The following IKZF2 variants were observed in gnomAD, a reference collection of about 807,000 sequenced individuals.
The protein encoded by IKZF2 is IKAROS family zinc finger 2, also known as zinc finger protein Helios.
In IKZF2, 15 loss-of-function variants were observed where a neutral mutation model predicts 49.2. The ratio of observed to expected loss-of-function variants is 0.30; its 90% CI spans 0.20 to 0.47. The LOEUF (loss-of-function observed/expected upper bound fraction) is 0.47, where lower values mean the gene tolerates loss of function less well. Among genes scored for constraint, IKZF2 ranks in the 20% least tolerant of loss-of-function variants. The pLI is 1.00. For synonymous variants in IKZF2, 227 were observed against 221.4 expected (o/e 1.03, Z -0.23); for missense variants, 567 against 664.6 (o/e 0.85, Z 1.61).
intron 7 of IKZF2, among the ~76,000 whole-genome samples, chr2:213,019,405 A>G (rs558342278): frequency 6.6e-6 from 1 of 152,310 alleles, no homozygotes; most frequent in South Asian, 2.1e-4. Flanking sequence ...AGCTATTTAT[A>G]TGAGACGTAT....
intron 4 of IKZF2, among the ~76,000 whole-genome samples, chr2:213,088,804 C>T (rs1224100952): frequency 6.6e-6 from 1 of 152,078 alleles, no homozygotes; most frequent in Admixed American, 6.6e-5. Context: ...TTAATAACAA[C>T]AATAATGGAA....
At chr2:213,117,812 C>T (rs2059926629) in intron 4 of IKZF2, among the ~76,000 whole-genome samples, 1 of 152,200 alleles carries the variant, frequency 6.6e-6, no homozygotes, top group African/African-American at 2.4e-5. Flanking sequence ...AACCCTACTA[C>T]AATTGCCACA....
chr2:213,072,296 G>GTTTTTTT (rs377550534), intron 4 of IKZF2, among the ~76,000 whole-genome samples: 1 of 144,550 alleles, frequency 6.9e-6, no homozygotes. Flanking sequence ...CCTTTCCTTT[G>GTTTTTTT]TTTTTTTTTT....
chr2:213,052,988 T>G (rs1176047590), intron 5 of IKZF2, among the ~76,000 whole-genome samples: 1 of 152,116 alleles, frequency 6.6e-6, no homozygotes, highest in African/African-American at 2.4e-5. Flanking sequence ...TGTAAATAAT[T>G]TGTTCTTTAA....
intron 4 of IKZF2, among the ~76,000 whole-genome samples, chr2:213,099,085 C>T (rs955584440): frequency 2.0e-5 from 3 of 152,046 alleles, no homozygotes; most frequent in African/African-American, 7.2e-5. Flanking sequence ...TAAATATTAG[C>T]TAGTTGATTT....
intron 4 of IKZF2, among the ~76,000 whole-genome samples, chr2:213,141,257 T>C (rs902257092): frequency 2.6e-5 from 4 of 151,986 alleles, no homozygotes; most frequent in Admixed American, 6.6e-5. Context: ...CACTCAATCA[T>C]TGAAACAGCC....
intron 5 of IKZF2, 129 bp downstream of exon 5, chr2:213,056,704 C>T: frequency 9.1e-7 from 1 of 1,095,524 alleles, no homozygotes; most frequent in South Asian, 1.3e-5. Flanking sequence ...CAATCCAATA[C>T]TAGCAGAATT....
At chr2:213,140,197 T>C (rs975716571) in intron 4 of IKZF2, among the ~76,000 whole-genome samples, 10 of 151,934 alleles carry the variant, frequency 6.6e-5, no homozygotes, top group African/African-American at 2.4e-4. Flanking sequence ...TTCTATGGTG[T>C]CTTGGGTAGT....
chr2:213,091,228 G>T (rs754228491), intron 4 of IKZF2, among the ~76,000 whole-genome samples: 7 of 152,076 alleles, frequency 4.6e-5, no homozygotes, highest in Non-Finnish European at 8.8e-5. Flanking sequence ...TCCAATATGG[G>T]TTCACTAAAA....
intron 4 of IKZF2, among the ~76,000 whole-genome samples, chr2:213,087,585 G>C (rs1443335175): frequency 6.6e-6 from 1 of 152,050 alleles, no homozygotes; most frequent in East Asian, 1.9e-4. Flanking sequence ...ATGTTGGTGT[G>C]CTGCACCCGT....
rs898691619 is a variant in IKZF2 at position 213,115,396 on chromosome 2, T to C, written c.139+32312A>G. On this transcript the variant is annotated intron_variant, in intron 4 of 8. Coordinates refer to ENST00000434687, the MANE Select transcript of IKZF2 (RefSeq NM_001387220.1). ...ATAGGCATAAAACAATGGAAGAATTTAACCACATAGCGAATATTTCCTTTA... is the reference window on the plus strand; with the variant it reads ...ATAGGCATAAAACAATGGAAGAATTCAACCACATAGCGAATATTTCCTTTA... Among the ~76,000 whole-genome samples the C allele has an allele frequency of 2.0e-5, 3 of 152,354 alleles. No homozygotes were observed. The South Asian group carries it at 6.2e-4, about 32-fold the overall frequency.
chr2:213,134,363 A>C (rs2060581423), intron 4 of IKZF2, among the ~76,000 whole-genome samples: 1 of 152,208 alleles, frequency 6.6e-6, no homozygotes, highest in South Asian at 2.1e-4. Context: ...TAAAGTAAAA[A>C]GACAACTGAG....
At chr2:213,106,758 G>GT (rs1303669839) in intron 4 of IKZF2, among the ~76,000 whole-genome samples, 2 of 151,814 alleles carry the variant, frequency 1.3e-5, no homozygotes, top group Non-Finnish European at 2.9e-5. Flanking sequence ...AAATCTAAAA[G>GT]TGAAACATCT....
At chr2:213,038,186 G>T (rs890702357) in intron 6 of IKZF2, among the ~76,000 whole-genome samples, 1 of 151,810 alleles carries the variant, frequency 6.6e-6, no homozygotes, top group East Asian at 1.9e-4. Context: ...TCAGCCTCCC[G>T]TAGCTGGAAC....
At chr2:213,043,908 T>G (rs1280348161) in intron 6 of IKZF2, among the ~76,000 whole-genome samples, 3 of 152,262 alleles carry the variant, frequency 2.0e-5, no homozygotes, top group Non-Finnish European at 4.4e-5. Context: ...ACTAGTAATT[T>G]TAAGCACTAG....
intron 6 of IKZF2, among the ~76,000 whole-genome samples, chr2:213,027,382 A>G (rs540649890): frequency 1.3e-5 from 2 of 152,230 alleles, no homozygotes; most frequent in South Asian, 4.1e-4. Context: ...TTTTTCCTAG[A>G]GTTAATAATC....
At chr2:213,124,364 G>T (rs1211654970) in intron 4 of IKZF2, among the ~76,000 whole-genome samples, 2 of 151,730 alleles carry the variant, frequency 1.3e-5, no homozygotes, top group South Asian at 2.1e-4. Context: ...AAGCAAAGAA[G>T]ATCAATCAGC....
chr2:213,124,224 GCACGCACACATGCGCT>G (rs2060149516), intron 4 of IKZF2, among the ~76,000 whole-genome samples: 6 of 147,086 alleles, frequency 4.1e-5, no homozygotes, highest in Admixed American at 2.8e-4. Context: ...GTCCTTGTGT[GCACGCACACATGCGCT>G]CGCGCGCGCG....
intron 4 of IKZF2, among the ~76,000 whole-genome samples, chr2:213,130,630 C>G (rs1442143678): frequency 2.6e-5 from 4 of 152,166 alleles, no homozygotes; most frequent in African/African-American, 4.8e-5. Context: ...TTGATTACCA[C>G]AAACAGTTCT....
Sources: gnomAD v4.1 joint callset for allele counts (sites outside exome capture counted in the v4.1 genomes callset) on GRCh38, gnomAD v4.1.1 for gene constraint, MANE v1.5 for transcripts, NCBI Gene and HGNC (gene_info 2026-07-23, HGNC 2026-07-21) for gene names.